The following TRNT1 variants were observed in gnomAD, a reference collection of about 807,000 sequenced individuals.
TRNT1 encodes the protein CCA tRNA nucleotidyltransferase 1, mitochondrial.
A neutral mutation model predicts 45.6 loss-of-function variants in TRNT1; 44 were observed. The observed-to-expected ratio is 0.97, with a 90% CI of 0.76 to 1.24. The LOEUF (loss-of-function observed/expected upper bound fraction) is 1.24, where lower values mean the gene tolerates loss of function less well. Ranked by LOEUF, TRNT1 falls within the 50% of genes most tolerant of loss-of-function variation. The pLI, the probability that TRNT1 is intolerant of heterozygous loss-of-function variation, is 0.00. For synonymous variants in TRNT1, 201 were observed against 171.4 expected (o/e 1.17, Z -1.35); for missense variants, 633 against 504.4 (o/e 1.25, Z -2.44).
At chr3:3,146,686 A>T (rs1706048922) in intron 6 of TRNT1, 63 bp downstream of exon 6, 1 of 1,390,894 alleles carries the variant, frequency 7.2e-7, no homozygotes. Flanking sequence ...CAAATTTCAT[A>T]AGGAAAAAAT....
Position 3,148,430 on chromosome 3 carries a change from T to A in TRNT1, c.*276T>A. The A allele has an allele frequency of 3.9e-6, 1 of 254,070 alleles. No homozygotes were observed. The highest frequency in any genetic ancestry group is 7.5e-6 in the Non-Finnish European group (1 of 132,730). 15.7% of individuals were successfully genotyped at this position (254,070 alleles called of 1,614,324 possible). A position where few individuals can be genotyped will look rare whatever the true frequency, so the allele number is the denominator to read the frequency against. ...ATTATCTATCTTAACCTGTTCAGGC[T>A]TTTAAAAAAAACTGTTTTTGCATAG... On this transcript the variant is annotated 3_prime_UTR_variant, in exon 8 of 8. Coordinates refer to ENST00000251607, the MANE Select transcript of TRNT1 (RefSeq NM_182916.3).
Position 3,137,308 on chromosome 3 carries a change from T to C in TRNT1, c.197T>C (p.Val66Ala). The C allele has an allele frequency of 6.2e-7, 1 of 1,612,192 alleles. No homozygotes were observed. The highest frequency in any genetic ancestry group is 8.5e-7 in the Non-Finnish European group (1 of 1,179,380). ...NHELRIAGGA[V>A]RDLLNGVKPQ... The stretch of plus-strand genomic sequence containing the variant: ...GAATTAAGAATAGCAGGAGGAGCAG[T>C]GAGGGATTTATTAAATGGAGTAAAG... Residue 66 changes from valine (V) to alanine (A), a missense_variant, in exon 3 of 8, where the codon GTG (valine) becomes GCG (alanine). Coordinates refer to ENST00000251607, the MANE Select transcript of TRNT1 (RefSeq NM_182916.3).
At chr3:3,150,284 C>T (rs150489297), downstream of TRNT1, 1 of 152,032 alleles carries the variant, frequency 6.6e-6, no homozygotes, top group Admixed American at 6.5e-5. Flanking sequence ...GCTCAAAAAA[C>T]TGCATATTTT....
At chr3:3,138,940 A>C (rs925583057) in intron 3 of TRNT1, among the ~76,000 whole-genome samples, 1 of 152,190 alleles carries the variant, frequency 6.6e-6, no homozygotes, top group African/African-American at 2.4e-5. Flanking sequence ...GTGTCAGCCA[A>C]CTGGGACTCC....
chr3:3,133,782 C>T lies in TRNT1; in HGVS notation c.149-3478C>T, dbSNP rs575868772. On this transcript the variant is annotated intron_variant, in intron 2 of 7. Coordinates refer to ENST00000251607, the MANE Select transcript of TRNT1 (RefSeq NM_182916.3). ...GACAACTGATCACTCTCTTGAAGTC[C>T]GGAGCTCTTAGAACAGATGGTCTGT... Among the ~76,000 whole-genome samples the T allele has an allele frequency of 2.6e-5, 4 of 152,108 alleles. No homozygotes were observed. In the South Asian group the frequency reaches 6.2e-4, roughly 24 times the overall value.
At chr3:3,150,750 T>TTTAC (rs1373399896), downstream of TRNT1, 27 of 1,000,728 alleles carry the variant, frequency 2.7e-5, no homozygotes, top group Middle Eastern at 3.0e-4. Flanking sequence ...TAATGTTATG[T>TTTAC]TTACTTAGGT....
rs1247465435 is a variant in TRNT1 at position 3,147,617 on chromosome 3, T to G, written c.970T>G (p.Leu324Val). ...CGCAAAAGAGGAGAAAAACCTTGGC[T>G]TATTTATAGTTAAAAATAGGAAAGA... ...KIAKEEKNLG[L>V]FIVKNRKDLI... Residue 324 changes from leucine (L) to valine (V), a missense_variant, in exon 7 of 8, where the codon TTA becomes GTA. Physicochemically the swap from Leu to Val is conservative, Grantham distance 32. Transcript: ENST00000251607. The G allele has an allele frequency of 1.2e-6, 2 of 1,613,774 alleles. No individual in the cohort carries two copies. Among genetic ancestry groups the G allele is most frequent in the African/African-American group, 2.7e-5 (2 of 74,918 alleles).
chr3:3,151,190 A>T, downstream of TRNT1: 1 of 815,448 alleles, frequency 1.2e-6, no homozygotes, highest in East Asian at 2.7e-5. Context: ...CAGTTCCCTG[A>T]AACCTAAAAA....
chr3:3,150,707 T>C, downstream of TRNT1: 1 of 709,844 alleles, frequency 1.4e-6, no homozygotes. Flanking sequence ...AAGTTTCAAA[T>C]ACAGTTTCAC....
At chr3:3,128,455 C>T (rs1483504314) in intron 1 of TRNT1, among the ~76,000 whole-genome samples, 1 of 151,948 alleles carries the variant, frequency 6.6e-6, no homozygotes, top group African/African-American at 2.4e-5. Flanking sequence ...AAAAATTAGC[C>T]GGATGTGGTG....
At chr3:3,128,084 A>C (rs1359269298) in intron 1 of TRNT1, 1 of 152,226 alleles carries the variant, frequency 6.6e-6, no homozygotes, top group African/African-American at 2.4e-5. Context: ...CTTCTTACCC[A>C]TAAGATCTGA....
At chr3:3,150,518 ATT>A (rs11320492), downstream of TRNT1, 1,541 of 185,242 alleles carry the variant, frequency 8.3e-3, no homozygotes, top group East Asian at 0.039. Context: ...GGAATTTAAG[ATT>A]TTTTTTTTTT....
At chr3:3,133,167 G>A (rs1221367091) in intron 2 of TRNT1, among the ~76,000 whole-genome samples, 1 of 152,120 alleles carries the variant, frequency 6.6e-6, no homozygotes, top group Non-Finnish European at 1.5e-5. Context: ...CTAGAATAGT[G>A]TATTATTGTC....
chr3:3,141,054 A>G (rs534985655), intron 4 of TRNT1, among the ~76,000 whole-genome samples: 3 of 152,208 alleles, frequency 2.0e-5, no homozygotes, highest in Non-Finnish European at 4.4e-5. Context: ...TCTGGGCAAC[A>G]GAGCGAGACT....
downstream of TRNT1, chr3:3,153,143 G>T: frequency 2.5e-6 from 1 of 394,460 alleles, no homozygotes; most frequent in East Asian, 5.5e-5. Context: ...ATTGAAGACA[G>T]TCTAATATAT....
chr3:3,127,313 G>C (rs572346215), intron 1 of TRNT1: 1 of 152,270 alleles, frequency 6.6e-6, no homozygotes, highest in Non-Finnish European at 1.5e-5. Context: ...TTTCAGGGCT[G>C]GGGTTCCCCA....
At chr3:3,138,227 A>G (rs768635242) in intron 3 of TRNT1, among the ~76,000 whole-genome samples, 30 of 152,198 alleles carry the variant, frequency 2.0e-4, no homozygotes, top group Non-Finnish European at 4.0e-4. Context: ...AGGAAGCCTT[A>G]CACGTCTGAA....
chr3:3,150,272 G>C (rs76212525), downstream of TRNT1: 6,706 of 152,120 alleles, frequency 0.044, 163 homozygotes, highest in East Asian at 0.059. Context: ...AACTATTCGT[G>C]GGCTCAAAAA....
downstream of TRNT1, chr3:3,152,630 G>A: frequency 6.2e-7 from 1 of 1,612,146 alleles, no homozygotes; most frequent in Non-Finnish European, 8.5e-7. Flanking sequence ...AAAACGAGAA[G>A]TCTAATTTTA....
Sources: gnomAD v4.1 joint callset for allele counts (sites outside exome capture counted in the v4.1 genomes callset) on GRCh38, gnomAD v4.1.1 for gene constraint, MANE v1.5 for transcripts, NCBI Gene and HGNC (gene_info 2026-07-23, HGNC 2026-07-21) for gene names.